Variants in DGKG observed in about 807,000 individuals in gnomAD.
DGKG encodes diacylglycerol kinase gamma.
DGKG carries 78 observed loss-of-function variants against 105.3 expected under a neutral mutation model. The ratio of observed to expected loss-of-function variants is 0.74; its 90% CI spans 0.62 to 0.89. The LOEUF (loss-of-function observed/expected upper bound fraction) is 0.89. Ranked by LOEUF, DGKG falls within the 40% of genes least tolerant of loss-of-function variation. The probability of loss-of-function intolerance (pLI) is 0.00; values close to 1 mark genes in which losing one functional copy is unlikely to be tolerated. For synonymous variants in DGKG, 346 were observed against 367.1 expected (o/e 0.94, Z 0.66); for missense variants, 958 against 1,020.1 (o/e 0.94, Z 0.83).
intron 20 of DGKG, among the ~76,000 whole-genome samples, chr3:186,228,402 T>C (rs1450923411): frequency 6.6e-6 from 1 of 152,214 alleles, no homozygotes; most frequent in African/African-American, 2.4e-5. Flanking sequence ...AAAGTCCCAG[T>C]GTTTCTAGGA....
intron 19 of DGKG, among the ~76,000 whole-genome samples, chr3:186,247,484 G>A (rs543724034): frequency 6.6e-5 from 10 of 152,232 alleles, no homozygotes; most frequent in South Asian, 6.2e-4. Context: ...AGTGGAGTCC[G>A]CCTCTATTTG....
intron 7 of DGKG, among the ~76,000 whole-genome samples, chr3:186,282,639 A>G (rs1406157698): frequency 6.6e-6 from 1 of 151,976 alleles, no homozygotes; most frequent in Non-Finnish European, 1.5e-5. Flanking sequence ...CAGCCTCCCG[A>G]GTAGCTGGGA....
intron 20 of DGKG, among the ~76,000 whole-genome samples, chr3:186,221,957 G>A (rs1398626589): frequency 1.4e-4 from 21 of 152,192 alleles, no homozygotes; most frequent in South Asian, 1.0e-3. Flanking sequence ...AATGTTGACC[G>A]TGGGTCTGAC....
At chr3:186,267,621 G>T in intron 13 of DGKG, 64 bp downstream of exon 13, 1 of 1,281,744 alleles carries the variant, frequency 7.8e-7, no homozygotes, top group Non-Finnish European at 1.1e-6. Context: ...ATGTCTGAAA[G>T]CTGCCTACAT....
At chr3:186,260,072 C>T (rs958699791) in intron 16 of DGKG, among the ~76,000 whole-genome samples, 1 of 152,224 alleles carries the variant, frequency 6.6e-6, no homozygotes, top group Non-Finnish European at 1.5e-5. Context: ...AGAAAACTTT[C>T]TCTTCTCTGA....
intron 20 of DGKG, among the ~76,000 whole-genome samples, chr3:186,232,683 G>A (rs1720212034): frequency 6.6e-6 from 1 of 151,950 alleles, no homozygotes; most frequent in South Asian, 2.1e-4. Flanking sequence ...TAATAACACT[G>A]TCTGATGTAT....
intron 1 of DGKG, among the ~76,000 whole-genome samples, chr3:186,333,163 C>G (rs753321476): frequency 5.9e-5 from 9 of 152,196 alleles, no homozygotes; most frequent in Admixed American, 5.9e-4. Context: ...AACTTTCTGT[C>G]AGTGGCTTTG....
rs1716262285 is a variant in DGKG, at chr3:186,160,915, A to G, written c.2277+688T>C. ...GTAAGTCTGGGAATGGAGATAGTCT[A>G]TTTTTGTTAGTTCATTTGTTCAGTC... is the stretch of plus-strand genomic sequence containing the variant. On this transcript the variant is annotated intron_variant, in intron 24 of 24. Transcript: ENST00000265022. 5.1e-6 allele frequency: 5 copies of G among 985,444 alleles called. No individual in the cohort carries two copies. The South Asian group carries it at 1.4e-4, about 28-fold the overall frequency. 61.0% of individuals were successfully genotyped at this position (985,444 alleles called of 1,614,324 possible).
At chr3:186,327,755 T>C (rs1725419126) in intron 1 of DGKG, among the ~76,000 whole-genome samples, 1 of 152,062 alleles carries the variant, frequency 6.6e-6, no homozygotes, top group Non-Finnish European at 1.5e-5. Context: ...TAGATCATCA[T>C]CTGCATATTG....
At chr3:186,286,252 A>G (rs184451841) in intron 6 of DGKG, among the ~76,000 whole-genome samples, 9 of 152,284 alleles carry the variant, frequency 5.9e-5, no homozygotes, top group Non-Finnish European at 1.0e-4. Context: ...TCCCAGTCAG[A>G]GGCATGCATC....
At chr3:186,258,242 C>T (rs935095300) in intron 16 of DGKG, among the ~76,000 whole-genome samples, 1 of 152,166 alleles carries the variant, frequency 6.6e-6, no homozygotes, top group African/African-American at 2.4e-5. Flanking sequence ...GTTTTGGCGT[C>T]AATACAAATA....
chr3:186,161,531 T>C (rs1319409053), intron 24 of DGKG, 72 bp downstream of exon 24: 10 of 1,609,934 alleles, frequency 6.2e-6, no homozygotes, highest in East Asian at 2.2e-5. Context: ...AGTGATTTCA[T>C]ATTAAGTCAG....
At chr3:186,155,997 AT>A (rs1239773452) in intron 24 of DGKG, among the ~76,000 whole-genome samples, 14 of 149,996 alleles carry the variant, frequency 9.3e-5, no homozygotes, top group Non-Finnish European at 1.3e-4. Context: ...CATTGTTAGT[AT>A]TTTTTTTTTC....
chr3:186,351,549 G>C (rs1449004859), intron 1 of DGKG, among the ~76,000 whole-genome samples: 1 of 152,204 alleles, frequency 6.6e-6, no homozygotes, highest in African/African-American at 2.4e-5. Context: ...ACTGGGTTCA[G>C]TGGTGACTCG....
intron 13 of DGKG, among the ~76,000 whole-genome samples, chr3:186,267,296 C>T (rs1722101029): frequency 6.6e-6 from 1 of 152,148 alleles, no homozygotes; most frequent in African/African-American, 2.4e-5. Flanking sequence ...TTTCAGGGTA[C>T]TCGGGGTGGT....
chr3:186,335,523 A>G (rs1725792305), intron 1 of DGKG, among the ~76,000 whole-genome samples: 2 of 152,124 alleles, frequency 1.3e-5, no homozygotes, highest in South Asian at 4.1e-4. Context: ...TTTTGTTTTC[A>G]TATTCATTTA....
intron 1 of DGKG, among the ~76,000 whole-genome samples, chr3:186,342,693 TG>T (rs2108662131): frequency 6.6e-6 from 1 of 152,156 alleles, no homozygotes; most frequent in Non-Finnish European, 1.5e-5. Flanking sequence ...TCAGAAGACA[TG>T]ATTGTCAATG....
intron 21 of DGKG, among the ~76,000 whole-genome samples, chr3:186,196,204 C>T (rs1718174740): frequency 7.0e-6 from 1 of 143,070 alleles, no homozygotes; most frequent in Admixed American, 7.3e-5. Flanking sequence ...GTGGCGTGAT[C>T]TTGGCTCACT....
intron 20 of DGKG, among the ~76,000 whole-genome samples, chr3:186,212,876 G>T (rs936729624): frequency 2.0e-5 from 3 of 152,312 alleles, no homozygotes; most frequent in Non-Finnish European, 4.4e-5. Context: ...CAGAAGAGAG[G>T]ATGCCACCTT....
Sources: allele counts gnomAD v4.1 joint callset (sites outside exome capture counted in the v4.1 genomes callset), GRCh38; gene constraint gnomAD v4.1.1; transcripts MANE v1.5; gene names NCBI Gene and HGNC (gene_info 2026-07-23, HGNC 2026-07-21).